KCNN2: variants seen among roughly 807,000 people sequenced by gnomAD.
KCNN2 encodes the protein potassium calcium-activated channel subfamily N member 2, also known as small conductance calcium-activated potassium channel protein 2.
KCNN2 carries 24 observed loss-of-function variants against 55.5 expected under a neutral mutation model. That is an observed-to-expected ratio of 0.43 (90% CI 0.31 to 0.61). KCNN2 has a LOEUF of 0.61. Ranked by LOEUF, KCNN2 falls within the 20% of genes least tolerant of loss-of-function variation. The pLI, the probability that KCNN2 is intolerant of heterozygous loss-of-function variation, is 0.08. For missense variants in KCNN2, 754 were observed against 853.6 expected, an observed-to-expected ratio of 0.88 and a Z score of 1.45; for synonymous variants, 431 against 336.1, an observed-to-expected ratio of 1.28 and a Z score of -3.09.
chr5:114,106,860 AAC>A (rs1380955716), intron 1 of KCNN2, among the ~76,000 whole-genome samples: 1 of 151,930 alleles, frequency 6.6e-6, no homozygotes, highest in Non-Finnish European at 1.5e-5. Context: ...ACTTTTTATG[AAC>A]AGTTTTAATT....
intron 1 of KCNN2, among the ~76,000 whole-genome samples, chr5:114,065,220 G>A (rs564043834): frequency 6.6e-6 from 1 of 152,318 alleles, no homozygotes; most frequent in Admixed American, 6.5e-5. Flanking sequence ...GAAGACAAAA[G>A]AGGAACTTAG....
chr5:114,431,687 C>T (rs1283179897), intron 3 of KCNN2, among the ~76,000 whole-genome samples: 1 of 151,894 alleles, frequency 6.6e-6, no homozygotes, highest in African/African-American at 2.4e-5. Context: ...GATTTTAAAA[C>T]TTCCTTCTTT....
chr5:114,402,570 TAAGG>T (rs148733377), intron 2 of KCNN2, among the ~76,000 whole-genome samples: 6,229 of 152,056 alleles, frequency 0.041, 163 homozygotes, highest in Middle Eastern at 0.061. Context: ...GGACGGGAAA[TAAGG>T]AGGAAAGGGT....
chr5:114,482,718 C>A (rs979157392), intron 5 of KCNN2, among the ~76,000 whole-genome samples: 3 of 152,130 alleles, frequency 2.0e-5, no homozygotes, highest in Non-Finnish European at 4.4e-5. Context: ...AAGATCATCT[C>A]CTTTGCAGGG....
chr5:114,091,110 G>C (rs1283296530), intron 1 of KCNN2, among the ~76,000 whole-genome samples: 1 of 152,184 alleles, frequency 6.6e-6, no homozygotes, highest in East Asian at 1.9e-4. Context: ...AATGTGCTGG[G>C]ATTACAGGTG....
At chr5:114,390,717 A>G (rs1000222309) in intron 2 of KCNN2, among the ~76,000 whole-genome samples, 3 of 152,092 alleles carry the variant, frequency 2.0e-5, no homozygotes, top group African/African-American at 4.8e-5. Flanking sequence ...TCCATACACC[A>G]CAGTGCTTTC....
At chr5:114,122,014 A>G (rs1464807800) in intron 1 of KCNN2, among the ~76,000 whole-genome samples, 1 of 152,260 alleles carries the variant, frequency 6.6e-6, no homozygotes, top group Non-Finnish European at 1.5e-5. Context: ...AGAACAAATT[A>G]TCATTTACAT....
intron 1 of KCNN2, among the ~76,000 whole-genome samples, chr5:114,065,430 G>A (rs912607377): frequency 6.6e-6 from 1 of 152,148 alleles, no homozygotes; most frequent in Non-Finnish European, 1.5e-5. Flanking sequence ...AAGAAGTTGA[G>A]GAATTCTGAG....
chr5:114,188,093 G>A (rs751135850), intron 1 of KCNN2, among the ~76,000 whole-genome samples: 9 of 152,238 alleles, frequency 5.9e-5, no homozygotes, highest in Admixed American at 1.3e-4. Context: ...GATTACAGGC[G>A]TGAGCCACTG....
chr5:114,307,740 A>T (rs1756313738), intron 2 of KCNN2, among the ~76,000 whole-genome samples: 1 of 152,070 alleles, frequency 6.6e-6, no homozygotes, highest in Admixed American at 6.6e-5. Flanking sequence ...CTACCTCCTC[A>T]AGCCATCTAC....
At chr5:114,248,546 C>T (rs1018733546) in intron 2 of KCNN2, among the ~76,000 whole-genome samples, 2 of 151,980 alleles carry the variant, frequency 1.3e-5, no homozygotes, top group Non-Finnish European at 2.9e-5. Context: ...GTTTGCATTA[C>T]TTTTGCAAGA....
intron 2 of KCNN2, among the ~76,000 whole-genome samples, chr5:114,261,562 A>T (rs1755108456): frequency 6.6e-6 from 1 of 152,174 alleles, no homozygotes; most frequent in African/African-American, 2.4e-5. Context: ...AGGGAACAGG[A>T]TATATGTTTT....
intron 3 of KCNN2, among the ~76,000 whole-genome samples, chr5:114,429,690 T>C (rs1281607183): frequency 6.6e-6 from 1 of 152,072 alleles, no homozygotes; most frequent in Non-Finnish European, 1.5e-5. Flanking sequence ...CAAGTTTACC[T>C]AGATTTTCTC....
intron 2 of KCNN2, among the ~76,000 whole-genome samples, chr5:114,395,863 C>G (rs1758598938): frequency 6.6e-6 from 1 of 152,148 alleles, no homozygotes; most frequent in South Asian, 2.1e-4. Flanking sequence ...ATTTGGGCTT[C>G]CTCTGGACTT....
At chr5:114,059,337 C>T (rs891085142) in intron 1 of KCNN2, among the ~76,000 whole-genome samples, 16 of 152,162 alleles carry the variant, frequency 1.1e-4, no homozygotes, top group African/African-American at 3.9e-4. Context: ...TGCTATCATA[C>T]AGCCAAGTAC....
At chr5:114,228,672 C>T (rs776906569) in intron 2 of KCNN2, among the ~76,000 whole-genome samples, 2 of 152,012 alleles carry the variant, frequency 1.3e-5, no homozygotes, top group Non-Finnish European at 2.9e-5. Context: ...TCTCACTCAG[C>T]CCCTTACTTG....
intron 1 of KCNN2, among the ~76,000 whole-genome samples, chr5:114,106,810 C>A (rs1185361306): frequency 6.6e-6 from 1 of 151,828 alleles, no homozygotes; most frequent in East Asian, 1.9e-4. Flanking sequence ...GTATTGAAAA[C>A]CTCTGCCACT....
At chr5:114,170,532 C>A (rs1433773946) in intron 1 of KCNN2, among the ~76,000 whole-genome samples, 1 of 151,970 alleles carries the variant, frequency 6.6e-6, no homozygotes, top group African/African-American at 2.4e-5. Context: ...TCTGCACATA[C>A]CTATGCATCA....
intron 1 of KCNN2, among the ~76,000 whole-genome samples, chr5:114,100,188 A>G (rs564185677): frequency 6.6e-6 from 1 of 152,234 alleles, no homozygotes; most frequent in South Asian, 2.1e-4. Context: ...GGAGAAATAA[A>G]TTTAAAAGGG....
Sources: allele counts gnomAD v4.1 joint callset (sites outside exome capture counted in the v4.1 genomes callset), GRCh38; gene constraint gnomAD v4.1.1; transcripts MANE v1.5; gene names NCBI Gene and HGNC (gene_info 2026-07-23, HGNC 2026-07-21).